USP42: variants seen among roughly 807,000 people sequenced by gnomAD.
The protein encoded by USP42 is ubiquitin specific peptidase 42, also known as ubiquitin carboxyl-terminal hydrolase 42.
In USP42, 23 loss-of-function variants were observed where a neutral mutation model predicts 113.0. The observed-to-expected ratio is 0.20, with a 90% confidence interval of 0.15 to 0.29. USP42 has a LOEUF of 0.29. USP42 is among the 10% of genes least tolerant of loss of function. The probability of loss-of-function intolerance (pLI) is 1.00; values close to 1 mark genes in which losing one functional copy is unlikely to be tolerated. For synonymous variants in USP42, 933 were observed against 699.0 expected, an observed-to-expected ratio of 1.33 and a Z score of -5.28; for missense variants, 2,174 against 1,779.8, an observed-to-expected ratio of 1.22 and a Z score of -3.99.
chr7:6,141,293 C>T (rs549603684), intron 7 of USP42, among the ~76,000 whole-genome samples: 2 of 149,432 alleles, frequency 1.3e-5, no homozygotes, highest in African/African-American at 2.5e-5. Flanking sequence ...ACCTCCACCT[C>T]CCGAGTTCAA....
intron 2 of USP42, 25 bp from the exon 3 acceptor site, chr7:6,115,298 G>T: frequency 6.2e-7 from 1 of 1,610,974 alleles, no homozygotes; most frequent in Non-Finnish European, 8.5e-7. Flanking sequence ...CTTGGTTTCT[G>T]ACTCTTTCTT....
chr7:6,134,528 C>G (rs1263191669), intron 3 of USP42, among the ~76,000 whole-genome samples: 3 of 152,058 alleles, frequency 2.0e-5, no homozygotes, highest in Non-Finnish European at 4.4e-5. Context: ...TCTGGGTAGC[C>G]TTTAGTCAGG....
At chr7:6,082,153 G>C in the USP42 span, among the ~76,000 whole-genome samples, 44 of 149,486 alleles carry the variant, frequency 2.9e-4, no homozygotes, top group Non-Finnish European at 5.5e-4. Context: ...TTTTGAGATA[G>C]AGTCTCGCTT....
the USP42 span, among the ~76,000 whole-genome samples, chr7:6,083,447 G>T: frequency 6.7e-6 from 1 of 148,524 alleles, no homozygotes; most frequent in African/African-American, 2.6e-5. Context: ...GTAAAGATGG[G>T]GTTTTGCCAT....
At chr7:6,095,024 G>A in the USP42 span, among the ~76,000 whole-genome samples, 4 of 151,286 alleles carry the variant, frequency 2.6e-5, no homozygotes, top group Admixed American at 6.6e-5. Context: ...CTAACCTCAA[G>A]GGATCTGCCC....
At chr7:6,128,210 C>G (rs1780646410) in intron 3 of USP42, 2 of 150,950 alleles carry the variant, frequency 1.3e-5, no homozygotes, top group Non-Finnish European at 1.5e-5. Context: ...GCCTTGGCCT[C>G]TGAAAGTGTT....
In USP42 at chr7:6,147,885, T is replaced by A. The variant is rs767461178; in HGVS notation, c.1379T>A (p.Met460Lys). 1 of 1,608,450 alleles carries A rather than the reference T, an allele frequency of 6.2e-7. No homozygotes were observed. The highest frequency in any genetic ancestry group is 8.5e-7 in the Non-Finnish European group (1 of 1,176,646). Residue 460 changes from methionine to lysine, a missense_variant, in exon 12 of 18, where the codon ATG (methionine) becomes AAG (lysine). Met to Lys is a moderately conservative substitution (Grantham distance 95). Transcript: ENST00000306177. ...ATCGGACCACAGCTTCCCTCTCACA[T>A]GATAAAGGTAACAGTCCTTAGGGAG... ...GFIGPQLPSH[M>K]IKNPPHLNGT...
intron 6 of USP42, among the ~76,000 whole-genome samples, chr7:6,140,671 C>T (rs1247345752): frequency 6.6e-6 from 1 of 152,086 alleles, no homozygotes; most frequent in East Asian, 1.9e-4. Context: ...TTAATTCTGT[C>T]AGGTTGTCTT....
chr7:6,085,937 GC>G, the USP42 span, among the ~76,000 whole-genome samples: 1 of 150,688 alleles, frequency 6.6e-6, no homozygotes, highest in Non-Finnish European at 1.5e-5. Flanking sequence ...TTTTATAAAT[GC>G]CCCATAAGCC....
chr7:6,082,657 C>T, the USP42 span, among the ~76,000 whole-genome samples: 1 of 128,926 alleles, frequency 7.8e-6, no homozygotes, highest in South Asian at 2.4e-4. Flanking sequence ...GTCACCCAGG[C>T]TGGAGTGCAG....
the USP42 span, among the ~76,000 whole-genome samples, chr7:6,098,530 A>G: frequency 6.7e-6 from 1 of 150,172 alleles, no homozygotes; most frequent in Non-Finnish European, 1.5e-5. Context: ...CAGGAACAGA[A>G]AGAATGCATT....
intron 1 of USP42, among the ~76,000 whole-genome samples, chr7:6,108,606 G>A (rs574087722): frequency 1.3e-5 from 2 of 152,102 alleles, no homozygotes; most frequent in African/African-American, 4.8e-5. Context: ...TCAGCTTCCC[G>A]AGTAGCTGGG....
At chr7:6,105,260 GGCGGCGGCC>G (rs1376347783) in intron 1 of USP42, among the ~76,000 whole-genome samples, 2 of 145,560 alleles carry the variant, frequency 1.4e-5, no homozygotes, top group Non-Finnish European at 3.1e-5. Context: ...CTGGGGAGGG[GGCGGCGGCC>G]GCGGCGGGCG....
the USP42 span, among the ~76,000 whole-genome samples, chr7:6,099,203 T>C: frequency 1.4e-5 from 2 of 141,094 alleles, no homozygotes; most frequent in African/African-American, 5.5e-5. Context: ...AGCCCCATTG[T>C]TCCCTCTCTT....
chr7:6,109,763 C>T (rs960247520), intron 1 of USP42, among the ~76,000 whole-genome samples: 5 of 146,192 alleles, frequency 3.4e-5, no homozygotes, highest in Admixed American at 7.0e-5. Flanking sequence ...ATCAGTGGCA[C>T]GGTTTTGGCT....
rs531399504 is a variant in USP42, at chr7:6,158,659, G to A, written c.3944-791G>A. 8.9e-4 allele frequency among the ~76,000 whole-genome samples: 135 copies of A among 152,342 alleles called. No individual in the cohort carries two copies. Among genetic ancestry groups the A allele is most frequent in the South Asian group, 3.3e-3 (16 of 4,832 alleles). On this transcript the variant is annotated intron_variant, in intron 16 of 17. Transcript: ENST00000306177. This position sits in a 1 kb window ranked among gnomAD's most constrained non-coding sequence, Gnocchi z 4.2. ...AGGCACCAGCACTGCCGGTGAGGAC[G>A]GGTTGCCTGCGGGCCTTGTAGACGT...
chr7:6,113,852 A>T (rs1779735780), intron 2 of USP42, among the ~76,000 whole-genome samples: 1 of 151,852 alleles, frequency 6.6e-6, no homozygotes, highest in Non-Finnish European at 1.5e-5. Context: ...CGATCTCCTG[A>T]CCTTGTGATC....
chr7:6,089,690 G>T, the USP42 span, among the ~76,000 whole-genome samples: 1,780 of 149,894 alleles, frequency 0.012, 25 homozygotes, highest in Non-Finnish European at 0.016. Context: ...GCACCACCAC[G>T]CCTGGCTAAT....
At chr7:6,091,923 T>C in the USP42 span, among the ~76,000 whole-genome samples, 5 of 150,462 alleles carry the variant, frequency 3.3e-5, 1 homozygote, top group African/African-American at 1.2e-4. Flanking sequence ...TGGCATCCTT[T>C]TTCTATTCGA....
Sources: gnomAD v4.1 joint callset for allele counts (sites outside exome capture counted in the v4.1 genomes callset) on GRCh38, gnomAD v4.1.1 for gene constraint, Gnocchi (gnomAD v3.1) non-coding constraint, MANE v1.5 for transcripts, NCBI Gene and HGNC (gene_info 2026-07-23, HGNC 2026-07-21) for gene names.